Variants in PRKAA2 observed in about 807,000 individuals in gnomAD.
The protein encoded by PRKAA2 is 5'-AMP-activated protein kinase catalytic subunit alpha-2.
A neutral mutation model predicts 56.3 loss-of-function variants in PRKAA2; 40 were observed. The observed-to-expected ratio is 0.71, with a 90% confidence interval of 0.55 to 0.92. PRKAA2 has a LOEUF of 0.92. Ranked by LOEUF, PRKAA2 falls within the 40% of genes least tolerant of loss-of-function variation. The probability of loss-of-function intolerance (pLI) is 0.00; values close to 1 mark genes in which losing one functional copy is unlikely to be tolerated. For missense variants in PRKAA2, 542 were observed against 686.9 expected (o/e 0.79, Z 2.36); for synonymous variants, 214 against 234.2 (o/e 0.91, Z 0.79).
chr1:56,696,245 C>T, intron 6 of PRKAA2, 86 bp downstream of exon 6: 1 of 1,251,240 alleles, frequency 8.0e-7, no homozygotes. Context: ...GTCTCATTTC[C>T]TGCCCTCACC....
chr1:56,695,856 T>C, intron 5 of PRKAA2, 79 bp from the exon 6 acceptor site: 1 of 1,169,098 alleles, frequency 8.6e-7, no homozygotes, highest in East Asian at 2.3e-5. Context: ...GAATGTAGAC[T>C]ACCTATATAT....
In PRKAA2 at chr1:56,714,228, A is replaced by C. The variant is rs1436090194; in HGVS notation, c.*6515A>C. ...TCAAGGAAACAACTCAGAGCTAAGA[A>C]CAAAATCTAACTTGGAATCAGTTTC... On this transcript the variant is annotated 3_prime_UTR_variant, in exon 9 of 9. Coordinates refer to ENST00000371244, the MANE Select transcript of PRKAA2 (RefSeq NM_006252.4). 1 of 152,202 alleles carries C rather than the reference A, an allele frequency of 6.6e-6. No individual in the cohort carries two copies. The allele number at this position is 152,202 out of a possible 1,614,324, so 9.4% of individuals were successfully genotyped here.
chr1:56,664,765 A>G (rs1644021470), intron 1 of PRKAA2, among the ~76,000 whole-genome samples: 1 of 151,948 alleles, frequency 6.6e-6, no homozygotes, highest in Admixed American at 6.6e-5. Context: ...TCTCTTCTAC[A>G]GGAACTCTTG....
intron 2 of PRKAA2, among the ~76,000 whole-genome samples, chr1:56,688,214 C>G (rs963991890): frequency 6.6e-6 from 1 of 152,002 alleles, no homozygotes; most frequent in Non-Finnish European, 1.5e-5. Flanking sequence ...GTCCCTACCC[C>G]ATTGTGGTTA....
At chr1:56,666,793 G>A (rs1400098096) in intron 1 of PRKAA2, among the ~76,000 whole-genome samples, 1 of 152,114 alleles carries the variant, frequency 6.6e-6, no homozygotes, top group African/African-American at 2.4e-5. Flanking sequence ...TATACCTATA[G>A]CACTATATGA....
chr1:56,651,572 A>G (rs1332085060), intron 1 of PRKAA2, among the ~76,000 whole-genome samples: 2 of 152,232 alleles, frequency 1.3e-5, no homozygotes, highest in Non-Finnish European at 2.9e-5. Flanking sequence ...CTGAGTTTCA[A>G]ACCTACAAGG....
At chr1:56,692,830 T>G (rs1233498149) in intron 4 of PRKAA2, among the ~76,000 whole-genome samples, 6 of 151,000 alleles carry the variant, frequency 4.0e-5, no homozygotes, top group Non-Finnish European at 8.8e-5. Flanking sequence ...AGTCCCAGAC[T>G]TCTTTGAAAA....
chr1:56,678,939 C>T (rs901442905), intron 2 of PRKAA2, among the ~76,000 whole-genome samples: 2 of 152,084 alleles, frequency 1.3e-5, no homozygotes, highest in African/African-American at 4.8e-5. Flanking sequence ...CGTGATCTGC[C>T]CACCTTGGCC....
intron 2 of PRKAA2, among the ~76,000 whole-genome samples, chr1:56,681,944 G>A (rs1644158173): frequency 1.3e-5 from 2 of 152,142 alleles, no homozygotes; most frequent in Admixed American, 1.3e-4. Flanking sequence ...ATTACCTTGG[G>A]CAGTATGGCC....
At position 56,714,249 on chromosome 1, in the gene PRKAA2, G is replaced by A. The variant is rs1569814320; in HGVS notation, c.*6536G>A. On this transcript the variant is annotated 3_prime_UTR_variant, in exon 9 of 9. Coordinates refer to ENST00000371244, the MANE Select transcript of PRKAA2 (RefSeq NM_006252.4). ...AAGAACAAAATCTAACTTGGAATCA[G>A]TTTCTTCCTTTGGCTGCTGAAGCAG... 2 of 152,212 alleles carry A rather than the reference G, an allele frequency of 1.3e-5. No homozygotes were observed. Among genetic ancestry groups the A allele is most frequent in the East Asian group, 3.9e-4 (2 of 5,176 alleles). 9.4% of individuals were successfully genotyped at this position (152,212 alleles called of 1,614,324 possible). A position where few individuals can be genotyped will look rare whatever the true frequency, so the allele number is the denominator to read the frequency against.
intron 1 of PRKAA2, among the ~76,000 whole-genome samples, chr1:56,670,874 C>G (rs1172983348): frequency 6.6e-6 from 1 of 152,060 alleles, no homozygotes; most frequent in African/African-American, 2.4e-5. Flanking sequence ...ATCTGACAGT[C>G]TTCAGGCAGA....
intron 1 of PRKAA2, among the ~76,000 whole-genome samples, chr1:56,647,205 C>A (rs1284070576): frequency 6.6e-6 from 1 of 152,106 alleles, no homozygotes; most frequent in Non-Finnish European, 1.5e-5. Flanking sequence ...ACAGGACAAT[C>A]CAGGGATTGG....
At chr1:56,701,852 C>G (rs550816597) in intron 6 of PRKAA2, among the ~76,000 whole-genome samples, 1 of 151,692 alleles carries the variant, frequency 6.6e-6, no homozygotes, top group Non-Finnish European at 1.5e-5. Context: ...GGAGATTGAG[C>G]TACTGCACTC....
intron 2 of PRKAA2, among the ~76,000 whole-genome samples, chr1:56,680,236 G>A (rs1277869735): frequency 6.6e-6 from 1 of 152,060 alleles, no homozygotes; most frequent in Non-Finnish European, 1.5e-5. Flanking sequence ...TGCTCTCAAA[G>A]CACTCAATGT....
At chr1:56,658,648 G>C (rs1643966764) in intron 1 of PRKAA2, among the ~76,000 whole-genome samples, 1 of 139,168 alleles carries the variant, frequency 7.2e-6, no homozygotes, top group African/African-American at 2.8e-5. Context: ...GTCTCACTCT[G>C]TTGCCCAGGC....
chr1:56,686,050 A>G (rs576877083), intron 2 of PRKAA2, among the ~76,000 whole-genome samples: 2 of 152,342 alleles, frequency 1.3e-5, no homozygotes, highest in South Asian at 4.1e-4. Context: ...ATGTGAAATG[A>G]TGACTGAAAA....
intron 1 of PRKAA2, among the ~76,000 whole-genome samples, chr1:56,665,975 C>A (rs576582856): frequency 4.6e-5 from 7 of 152,070 alleles, no homozygotes; most frequent in Non-Finnish European, 1.0e-4. Flanking sequence ...TTCTGGAATG[C>A]AGTACTACAT....
In PRKAA2 at chr1:56,712,812, A is replaced by G. The variant is rs902805601; in HGVS notation, c.*5099A>G. 2.9e-4 allele frequency: 44 copies of G among 152,080 alleles called. No homozygotes were observed. Among genetic ancestry groups the G allele is most frequent in the African/African-American group, 8.2e-4 (34 of 41,406 alleles). The allele number at this position is 152,080 out of a possible 1,614,324, so 9.4% of individuals were successfully genotyped here. On this transcript the variant is annotated 3_prime_UTR_variant, in exon 9 of 9. Transcript: ENST00000371244. ...GATTGCAATAAGCCAAGATCATGCCACTGCATGCCAGCCTGGGTGACAGCA... is the reference window on the plus strand; with the variant it reads ...GATTGCAATAAGCCAAGATCATGCCGCTGCATGCCAGCCTGGGTGACAGCA...
intron 6 of PRKAA2, among the ~76,000 whole-genome samples, chr1:56,698,952 T>A (rs2100431400): frequency 6.6e-6 from 1 of 152,300 alleles, no homozygotes; most frequent in South Asian, 2.1e-4. Flanking sequence ...ATAGTATTAA[T>A]GTTATCATAG....
Sources: allele counts gnomAD v4.1 joint callset (sites outside exome capture counted in the v4.1 genomes callset), GRCh38; gene constraint gnomAD v4.1.1; transcripts MANE v1.5; gene names NCBI Gene and HGNC (gene_info 2026-07-23, HGNC 2026-07-21).